Variants in KCNT1 observed in about 807,000 individuals in gnomAD.
KCNT1 encodes potassium sodium-activated channel subfamily T member 1.
A neutral mutation model predicts 147.8 loss-of-function variants in KCNT1; 78 were observed. The observed-to-expected ratio is 0.53, with a 90% confidence interval of 0.44 to 0.64. KCNT1 has a LOEUF of 0.64. Among genes scored for constraint, KCNT1 ranks in the 30% least tolerant of loss-of-function variants. The pLI is 0.00. For missense variants in KCNT1, 1,419 were observed against 1,750.3 expected (o/e 0.81, Z 3.38); for synonymous variants, 867 against 748.8 (o/e 1.16, Z -2.58).
intron 29 of KCNT1, 176 bp from the exon 30 acceptor site, chr9:135,791,621 G>T: frequency 1.6e-6 from 1 of 607,902 alleles, no homozygotes; most frequent in Non-Finnish European, 2.9e-6. Flanking sequence ...AGATGGGACA[G>T]GTGTCGGTCA....
At position 135,793,474 on chromosome 9, in the gene KCNT1, G is replaced by T. The variant is rs905310619; in HGVS notation, c.*1313G>T. On this transcript the variant is annotated 3_prime_UTR_variant, in exon 31 of 31. Coordinates refer to ENST00000371757, the MANE Select transcript of KCNT1 (RefSeq NM_020822.3). ...AGAGACCCCAGGCTCTGCCCGCAGT[G>T]GCACAGAACTCATCTGAGGCCAGTG... The T allele has an allele frequency of 6.6e-6, 1 of 152,262 alleles. No individual in the cohort carries two copies. The highest frequency in any genetic ancestry group is 2.4e-5 in the African/African-American group (1 of 41,460). The allele number at this position is 152,262 out of a possible 1,614,324, so 9.4% of individuals were successfully genotyped here.
chr9:135,763,392 G>C (rs899682732), intron 11 of KCNT1, among the ~76,000 whole-genome samples: 1 of 152,264 alleles, frequency 6.6e-6, no homozygotes, highest in Non-Finnish European at 1.5e-5. Context: ...CGTCCTTCTG[G>C]AACACAGCAG....
chr9:135,743,060 C>T (rs1830646060), intron 2 of KCNT1, among the ~76,000 whole-genome samples: 1 of 152,132 alleles, frequency 6.6e-6, no homozygotes, highest in African/African-American at 2.4e-5. Flanking sequence ...GGTGGGTGGT[C>T]CGCAGCCTCA....
chr9:135,740,623 C>T (rs527706489), intron 2 of KCNT1, among the ~76,000 whole-genome samples: 13 of 152,254 alleles, frequency 8.5e-5, no homozygotes, highest in Non-Finnish European at 1.3e-4. Flanking sequence ...TTCCACTGAC[C>T]ACTGCTGCCC....
intron 2 of KCNT1, among the ~76,000 whole-genome samples, chr9:135,720,254 A>T (rs1436586275): frequency 6.6e-6 from 1 of 151,926 alleles, no homozygotes; most frequent in Non-Finnish European, 1.5e-5. Context: ...GGGAACAGAG[A>T]GAGGCTTCTC....
At chr9:135,748,077 G>A (rs1208528872) in intron 2 of KCNT1, among the ~76,000 whole-genome samples, 1 of 152,224 alleles carries the variant, frequency 6.6e-6, no homozygotes, top group African/African-American at 2.4e-5. Flanking sequence ...CAGAAGCTGG[G>A]ACTACAGGCA....
chr9:135,747,733 A>C (rs1415500342), intron 2 of KCNT1, among the ~76,000 whole-genome samples: 1 of 152,068 alleles, frequency 6.6e-6, no homozygotes, highest in Non-Finnish European at 1.5e-5. Flanking sequence ...CTCTGGGGGC[A>C]GACTGACCCC....
At chr9:135,766,259 A>C (rs984070751) in intron 13 of KCNT1, among the ~76,000 whole-genome samples, 2 of 149,854 alleles carry the variant, frequency 1.3e-5, no homozygotes, top group African/African-American at 5.0e-5. Flanking sequence ...TCCAGTGTAG[A>C]TCATGTGGGG....
intron 28 of KCNT1, chr9:135,785,625 C>G (rs1254244008): frequency 5.1e-6 from 3 of 589,168 alleles, no homozygotes; most frequent in Non-Finnish European, 9.1e-6. Flanking sequence ...CAGGCAGCCC[C>G]CATGCCCATC....
At chr9:135,749,282 T>C (rs1440345959) in intron 2 of KCNT1, among the ~76,000 whole-genome samples, 1 of 152,158 alleles carries the variant, frequency 6.6e-6, no homozygotes, top group East Asian at 1.9e-4. Context: ...GTGGCCACGG[T>C]AGGTGAGCCA....
intron 24 of KCNT1, among the ~76,000 whole-genome samples, chr9:135,783,225 C>T (rs1833743791): frequency 6.6e-6 from 1 of 152,228 alleles, no homozygotes; most frequent in Admixed American, 6.5e-5. Flanking sequence ...ATGGGAGATC[C>T]TCCTGGAGCA....
At chr9:135,767,144 C>T (rs1386671378) in intron 13 of KCNT1, among the ~76,000 whole-genome samples, 1 of 152,186 alleles carries the variant, frequency 6.6e-6, no homozygotes, top group East Asian at 1.9e-4. Flanking sequence ...GGTCTCTCCT[C>T]ATCACTCCCC....
chr9:135,781,903 CAAGT>C (rs2131561443), intron 24 of KCNT1, among the ~76,000 whole-genome samples: 1 of 152,188 alleles, frequency 6.6e-6, no homozygotes, highest in Non-Finnish European at 1.5e-5. Flanking sequence ...GGCAACATAG[CAAGT>C]CCCCATCTAT....
At position 135,730,388 on chromosome 9, in the gene KCNT1, G is replaced by A. The variant is rs1233208641; in HGVS notation, c.254+15668G>A. Among the ~76,000 whole-genome samples the A allele has an allele frequency of 1.3e-5, 2 of 152,162 alleles. No individual in the cohort carries two copies. The highest frequency in any genetic ancestry group is 2.9e-5 in the Non-Finnish European group (2 of 68,030). ...CGAGGGGGACCACACGTGGTGAGGGGGATTAGCAGATATGATTAAGTGGAG... is the reference window on the plus strand; with the variant it reads ...CGAGGGGGACCACACGTGGTGAGGGAGATTAGCAGATATGATTAAGTGGAG... On this transcript the variant is annotated intron_variant, in intron 2 of 30. Coordinates refer to ENST00000371757, the MANE Select transcript of KCNT1 (RefSeq NM_020822.3). This position sits in a 1 kb window ranked among gnomAD's most constrained non-coding sequence, Gnocchi z 4.7.
intron 13 of KCNT1, among the ~76,000 whole-genome samples, chr9:135,767,407 C>CGACA (rs1192959672): frequency 2.0e-5 from 3 of 146,934 alleles, no homozygotes; most frequent in African/African-American, 7.7e-5. Context: ...GGGGCAGAGG[C>CGACA]GACAGTTTCT....
chr9:135,735,028 T>C (rs1038547942), intron 2 of KCNT1, among the ~76,000 whole-genome samples: 2 of 152,090 alleles, frequency 1.3e-5, no homozygotes, highest in Non-Finnish European at 2.9e-5. Flanking sequence ...TTTACAGCCG[T>C]TCTGGGGCAC....
intron 2 of KCNT1, among the ~76,000 whole-genome samples, chr9:135,727,128 C>A (rs1365051334): frequency 2.2e-4 from 1 of 4,498 alleles, no homozygotes; most frequent in Non-Finnish European, 4.2e-4. Context: ...CCCTCCCTCC[C>A]TCTCTCCCTC....
chr9:135,742,176 A>G (rs1830598804), intron 2 of KCNT1, among the ~76,000 whole-genome samples: 2 of 152,224 alleles, frequency 1.3e-5, no homozygotes, highest in African/African-American at 2.4e-5. Context: ...GGCTTGTCCT[A>G]TCGCAGGGAG....
chr9:135,706,693 G>T (rs1487136179), intron 1 of KCNT1, among the ~76,000 whole-genome samples: 2 of 152,178 alleles, frequency 1.3e-5, no homozygotes, highest in Non-Finnish European at 1.5e-5. Flanking sequence ...TGCTTCACAG[G>T]CACCAATAGT....
Sources: gnomAD v4.1 joint callset for allele counts (sites outside exome capture counted in the v4.1 genomes callset) on GRCh38, gnomAD v4.1.1 for gene constraint, Gnocchi (gnomAD v3.1) non-coding constraint, MANE v1.5 for transcripts, NCBI Gene and HGNC (gene_info 2026-07-23, HGNC 2026-07-21) for gene names.